OSBPL3: variants seen among roughly 807,000 people sequenced by gnomAD.
OSBPL3 encodes the protein oxysterol binding protein like 3.
A neutral mutation model predicts 120.1 loss-of-function variants in OSBPL3; 65 were observed. The observed-to-expected ratio is 0.54, with a 90% CI of 0.44 to 0.67. The LOEUF (loss-of-function observed/expected upper bound fraction) is 0.67, where lower values mean the gene tolerates loss of function less well. OSBPL3 is among the 30% of genes least tolerant of loss of function. The pLI, the probability that OSBPL3 is intolerant of heterozygous loss-of-function variation, is 0.00. For missense variants in OSBPL3, 1,004 were observed against 1,082.1 expected, an observed-to-expected ratio of 0.93 and a Z score of 1.01; for synonymous variants, 416 against 402.6, an observed-to-expected ratio of 1.03 and a Z score of -0.40.
Position 24,913,803 on chromosome 7 carries a change from G to A in OSBPL3, c.-149-21182C>T, listed in dbSNP as rs1321356320. ...CTTACTAAGGTAACAGGGTCAGTCA[G>A]TGGGGATACAACTAGGACGAGGACA... On this transcript the variant is annotated intron_variant, in intron 1 of 22. Coordinates refer to ENST00000313367, the MANE Select transcript of OSBPL3 (RefSeq NM_015550.4). The surrounding 1 kb of genome is among the most constrained non-coding windows in gnomAD (Gnocchi z 5.3). Among the ~76,000 whole-genome samples, 1 of 152,184 alleles carries A rather than the reference G, an allele frequency of 6.6e-6. No homozygotes were observed. The highest frequency in any genetic ancestry group is 2.4e-5 in the African/African-American group (1 of 41,444).
chr7:24,974,629 G>A (rs943661152), intron 1 of OSBPL3, among the ~76,000 whole-genome samples: 7 of 152,174 alleles, frequency 4.6e-5, no homozygotes, highest in Admixed American at 2.0e-4. Flanking sequence ...AAATAAAACC[G>A]TGGTATATAC....
At chr7:24,847,378 T>C (rs537642679) in intron 12 of OSBPL3, among the ~76,000 whole-genome samples, 2 of 152,180 alleles carry the variant, frequency 1.3e-5, no homozygotes, top group East Asian at 1.9e-4. Context: ...AAAGAGGAAA[T>C]AGATAAGGTG....
At chr7:24,888,625 G>C (rs1166838638) in intron 2 of OSBPL3, among the ~76,000 whole-genome samples, 1 of 152,112 alleles carries the variant, frequency 6.6e-6, no homozygotes, top group African/African-American at 2.4e-5. Flanking sequence ...TTTGTCTTAG[G>C]TCAGATGTAA....
At chr7:24,981,184 CTG>C (rs1818301356), upstream of OSBPL3, among the ~76,000 whole-genome samples, 1 of 152,152 alleles carries the variant, frequency 6.6e-6, no homozygotes, top group Non-Finnish European at 1.5e-5. This position sits in a 1 kb window ranked among gnomAD's most constrained non-coding sequence, Gnocchi z 7.3. Context: ...GGCTGACAGA[CTG>C]TTAGTACTGA....
intron 7 of OSBPL3, among the ~76,000 whole-genome samples, chr7:24,864,252 G>C (rs543128954): frequency 3.9e-5 from 6 of 152,352 alleles, no homozygotes; most frequent in Admixed American, 1.3e-4. Flanking sequence ...ACTGAATGCT[G>C]ATGGATGTTT....
At position 24,822,374 on chromosome 7, in the gene OSBPL3, C is replaced by G. The variant is rs760287945; in HGVS notation, c.1885-2136G>C. 6.6e-6 allele frequency among the ~76,000 whole-genome samples: 1 copy of G among 152,054 alleles called. No homozygotes were observed. Among genetic ancestry groups the G allele is most frequent in the Non-Finnish European group, 1.5e-5 (1 of 68,006 alleles). ...TTGGGAGGCTGAGGCAGAAGGATCC[C>G]TTGAGCCCAGGATCCAGGAGTTCAA... On this transcript the variant is annotated intron_variant, in intron 16 of 22. Coordinates refer to ENST00000313367, the MANE Select transcript of OSBPL3 (RefSeq NM_015550.4). This position sits in a 1 kb window ranked among gnomAD's most constrained non-coding sequence, Gnocchi z 5.8.
In OSBPL3 at chr7:24,866,203, G is replaced by A. The variant is rs1183487841; in HGVS notation, c.416C>T (p.Ser139Leu). Reference sequence around the variant, plus strand: ...ATACATTCTGTGGTGGCGAAGTTTCGATACCCACTCATCAAAGACTTCTTC... The same window carrying A: ...ATACATTCTGTGGTGGCGAAGTTTCAATACCCACTCATCAAAGACTTCTTC... ...KSEEVFDEWVSKLRHHRMYRQ... is the reference protein window; with the variant it reads ...KSEEVFDEWVLKLRHHRMYRQ... Residue 139 changes from serine to leucine, a missense_variant, in exon 6 of 23, where the codon TCG (serine) becomes TTG (leucine). Ser to Leu is a moderately radical substitution (Grantham distance 145, BLOSUM62 -2). Around this residue, in one of 4 missense-constraint regions of OSBPL3, gnomAD observed 255 missense variants for 248.7 expected, o/e 1.03. Transcript: ENST00000313367. The A allele has an allele frequency of 3.0e-5, 48 of 1,612,714 alleles. No individual in the cohort carries two copies. The highest frequency in any genetic ancestry group is 3.3e-4 in the Middle Eastern group (2 of 6,084).
intron 1 of OSBPL3, among the ~76,000 whole-genome samples, chr7:24,929,531 C>T (rs1036412876): frequency 6.6e-6 from 1 of 151,924 alleles, no homozygotes; most frequent in Non-Finnish European, 1.5e-5. Flanking sequence ...ACAGACTGTC[C>T]CACAGGTTTC....
intron 12 of OSBPL3, among the ~76,000 whole-genome samples, chr7:24,843,234 G>A (rs990093629): frequency 6.6e-6 from 1 of 152,150 alleles, no homozygotes; most frequent in Non-Finnish European, 1.5e-5. Flanking sequence ...ATCAGACCAG[G>A]CCTGTGGAAT....
intron 2 of OSBPL3, among the ~76,000 whole-genome samples, chr7:24,885,120 G>T (rs1419295229): frequency 1.3e-5 from 2 of 151,772 alleles, no homozygotes; most frequent in Non-Finnish European, 2.9e-5. Flanking sequence ...TACTCAGGAG[G>T]CTGAGGCAGG....
Position 24,930,420 on chromosome 7 carries a change from T to C in OSBPL3, c.-149-37799A>G, listed in dbSNP as rs532807305. ...CTTAACAAAGGTTTCCCATCTCTTG[T>C]TCTAAAGATATCTCAAAATATGCCA... is the stretch of plus-strand genomic sequence containing the variant. On this transcript the variant is annotated intron_variant, in intron 1 of 22. Transcript: ENST00000313367. The surrounding 1 kb of genome is among the most constrained non-coding windows in gnomAD (Gnocchi z 4.4). Among the ~76,000 whole-genome samples, 2 of 152,182 alleles carry C rather than the reference T, an allele frequency of 1.3e-5. No individual in the cohort carries two copies. Among genetic ancestry groups the C allele is most frequent in the South Asian group, 4.2e-4 (2 of 4,802 alleles).
intron 1 of OSBPL3, among the ~76,000 whole-genome samples, chr7:24,911,957 C>G (rs1260030400): frequency 6.6e-6 from 1 of 152,160 alleles, no homozygotes; most frequent in African/African-American, 2.4e-5. Flanking sequence ...CCTCTGTTCC[C>G]AATGCTAACA....
intron 2 of OSBPL3, among the ~76,000 whole-genome samples, chr7:24,875,065 A>G (rs898864050): frequency 3.3e-5 from 5 of 152,232 alleles, no homozygotes; most frequent in African/African-American, 1.2e-4. Flanking sequence ...GGTCTTGCAC[A>G]ATGAAAACGC....
At chr7:24,893,675 G>A (rs373709991) in intron 1 of OSBPL3, among the ~76,000 whole-genome samples, 5 of 150,752 alleles carry the variant, frequency 3.3e-5, no homozygotes, top group East Asian at 2.0e-4. Flanking sequence ...AGCCAGGCAC[G>A]GTAGTGGGTG....
At chr7:24,839,631 C>G (rs1797446249) in intron 14 of OSBPL3, among the ~76,000 whole-genome samples, 1 of 151,980 alleles carries the variant, frequency 6.6e-6, no homozygotes. Context: ...TATAAAAACC[C>G]CCTGATATCT....
intron 1 of OSBPL3, among the ~76,000 whole-genome samples, chr7:24,893,744 G>A (rs936497607): frequency 2.6e-5 from 4 of 151,732 alleles, no homozygotes; most frequent in South Asian, 2.1e-4. Context: ...ACCGGGCGGC[G>A]GGGCGGGGGG....
rs1813009003 is a variant in OSBPL3 at position 24,940,848 on chromosome 7, C to G, written c.-150+39038G>C. On this transcript the variant is annotated intron_variant, in intron 1 of 22. Transcript: ENST00000313367. This position sits in a 1 kb window ranked among gnomAD's most constrained non-coding sequence, Gnocchi z 4.4. ...TTTTTTTGTGTGTGTGTGACGGAGT[C>G]TCGCTCTGTCGCCCAGGCTGGAGTG... Among the ~76,000 whole-genome samples the G allele has an allele frequency of 1.4e-5, 2 of 147,832 alleles. No individual in the cohort carries two copies. The highest frequency in any genetic ancestry group is 5.0e-5 in the African/African-American group (2 of 39,676).
In OSBPL3 at chr7:24,872,668, T is replaced by A. The variant is rs765963448; in HGVS notation, c.97-599A>T. Among the ~76,000 whole-genome samples, 1 of 152,202 alleles carries A rather than the reference T, an allele frequency of 6.6e-6. No individual in the cohort carries two copies. Among genetic ancestry groups the A allele is most frequent in the African/African-American group, 2.4e-5 (1 of 41,450 alleles). ...AAAGTATATTTTTGCAACAAGAATT[T>A]TCACTTTTTTCCCAGAAATTTGTTT... is the stretch of plus-strand genomic sequence containing the variant. On this transcript the variant is annotated intron_variant, in intron 2 of 22. Coordinates refer to ENST00000313367, the MANE Select transcript of OSBPL3 (RefSeq NM_015550.4). This position sits in a 1 kb window ranked among gnomAD's most constrained non-coding sequence, Gnocchi z 4.1.
chr7:24,897,082 G>A (rs1320790517), intron 1 of OSBPL3, among the ~76,000 whole-genome samples: 2 of 150,916 alleles, frequency 1.3e-5, no homozygotes, highest in African/African-American at 2.4e-5. Context: ...GGAGGGAAGA[G>A]AGGGAGGGAG....
Sources: allele counts gnomAD v4.1 joint callset (sites outside exome capture counted in the v4.1 genomes callset), GRCh38; gene constraint gnomAD v4.1.1; regional missense constraint gnomAD v4.1.1; non-coding constraint Gnocchi (gnomAD v3.1); transcripts MANE v1.5; gene names NCBI Gene and HGNC (gene_info 2026-07-23, HGNC 2026-07-21).